Variants in RBMS1 observed in about 807,000 individuals in gnomAD.
RBMS1 encodes the protein RNA binding motif single stranded interacting protein 1, also known as RNA-binding motif, single-stranded-interacting protein 1.
RBMS1 carries 17 observed loss-of-function variants against 62.3 expected under a neutral mutation model. The observed-to-expected ratio is 0.27, with a 90% CI of 0.19 to 0.41. The LOEUF (loss-of-function observed/expected upper bound fraction) is 0.41. Among genes scored for constraint, RBMS1 ranks in the 10% least tolerant of loss-of-function variants. RBMS1 has a pLI of 1.00. For synonymous variants in RBMS1, 172 were observed against 170.0 expected (o/e 1.01, Z -0.09); for missense variants, 334 against 504.5 (o/e 0.66, Z 3.24).
intron 1 of RBMS1, among the ~76,000 whole-genome samples, chr2:160,370,453 T>A (rs1201946649): frequency 6.6e-6 from 1 of 152,122 alleles, no homozygotes; most frequent in Admixed American, 6.5e-5. Context: ...GCCACCATGG[T>A]GAAACCCCGT....
At position 160,285,898 on chromosome 2, in the gene RBMS1, C is replaced by T. The variant is rs566429742; in HGVS notation, c.757-854G>A. On this transcript the variant is annotated intron_variant, in intron 7 of 13. Coordinates refer to ENST00000348849, the MANE Select transcript of RBMS1 (RefSeq NM_016836.4). ...AGGCTGAGGTGGGTGGATCATGAGG[C>T]CAGGAGATTGAGACCATCCCGACTA... is the stretch of plus-strand genomic sequence containing the variant. Among the ~76,000 whole-genome samples, 1,138 of 151,360 alleles carry T rather than the reference C, an allele frequency of 7.5e-3. 6 individuals carry two copies. Among genetic ancestry groups the T allele is most frequent in the Non-Finnish European group, 0.013 (893 of 67,810 alleles).
At chr2:160,395,916 C>T (rs1695115044) in intron 1 of RBMS1, among the ~76,000 whole-genome samples, 1 of 152,180 alleles carries the variant, frequency 6.6e-6, no homozygotes, top group Non-Finnish European at 1.5e-5. Flanking sequence ...CCAAAATCCT[C>T]TTTTGTATAC....
chr2:160,288,637 C>T (rs146178755), intron 6 of RBMS1, among the ~76,000 whole-genome samples: 8 of 152,100 alleles, frequency 5.3e-5, no homozygotes, highest in Middle Eastern at 3.2e-3. Flanking sequence ...TATCAGCAAG[C>T]CTTGGCCCAG....
chr2:160,446,380 A>G (rs1683646950), intron 1 of RBMS1, among the ~76,000 whole-genome samples: 2 of 152,058 alleles, frequency 1.3e-5, no homozygotes, highest in Admixed American at 1.3e-4. Context: ...CCTTATGCTG[A>G]GCCCATATCT....
chr2:160,284,076 G>T (rs938195378), intron 9 of RBMS1: 6 of 152,176 alleles, frequency 3.9e-5, no homozygotes, highest in Admixed American at 2.0e-4. Context: ...TTCCTATCTG[G>T]GTCCAGGAAG....
At chr2:160,484,795 C>CGG (rs1378764722) in intron 1 of RBMS1, among the ~76,000 whole-genome samples, 1 of 150,290 alleles carries the variant, frequency 6.7e-6, no homozygotes, top group African/African-American at 2.5e-5. Flanking sequence ...GGCGTGAACC[C>CGG]GGGAGGCGGA....
chr2:160,334,249 C>T lies in RBMS1; in HGVS notation c.252-16022G>A, dbSNP rs150729623. 7.9e-3 allele frequency among the ~76,000 whole-genome samples: 1,195 copies of T among 152,144 alleles called. 11 individuals are homozygous for T. Among genetic ancestry groups the T allele is most frequent in the South Asian group, 0.011 (53 of 4,816 alleles). ...TGCTCAACAAAATATTTTTGAGTAACCATATGAGCTAACAGAAGGAGAATT... is the reference window on the plus strand; with the variant it reads ...TGCTCAACAAAATATTTTTGAGTAATCATATGAGCTAACAGAAGGAGAATT... On this transcript the variant is annotated intron_variant, in intron 2 of 13. Transcript: ENST00000348849.
chr2:160,336,974 G>C (rs1163733192), intron 2 of RBMS1, among the ~76,000 whole-genome samples: 2 of 152,070 alleles, frequency 1.3e-5, no homozygotes, highest in African/African-American at 2.4e-5. Context: ...GCTCACATTA[G>C]GGCAATAATC....
chr2:160,463,502 G>A (rs62179091), intron 1 of RBMS1, among the ~76,000 whole-genome samples: 4,020 of 152,286 alleles, frequency 0.026, 75 homozygotes, highest in Middle Eastern at 0.061. Context: ...GCAACTTTGC[G>A]GCCGGGCGCG....
At chr2:160,419,822 C>A (rs1202723870) in intron 1 of RBMS1, among the ~76,000 whole-genome samples, 2 of 152,234 alleles carry the variant, frequency 1.3e-5, no homozygotes, top group South Asian at 4.1e-4. Flanking sequence ...GGGAAAAAAA[C>A]CAAACATTTA....
intron 2 of RBMS1, among the ~76,000 whole-genome samples, chr2:160,349,567 G>GAGA (rs1692373929): frequency 6.6e-6 from 1 of 151,428 alleles, no homozygotes; most frequent in African/African-American, 2.4e-5. Flanking sequence ...GAGAGAGAGA[G>GAGA]AGAGAGAGAG....
At chr2:160,418,918 A>T (rs1011526426) in intron 1 of RBMS1, among the ~76,000 whole-genome samples, 8 of 152,236 alleles carry the variant, frequency 5.3e-5, no homozygotes, top group Non-Finnish European at 1.2e-4. Flanking sequence ...ATATTGGTTC[A>T]TGAATGTTGG....
At chr2:160,328,660 C>A (rs1236635116) in intron 2 of RBMS1, among the ~76,000 whole-genome samples, 1 of 152,050 alleles carries the variant, frequency 6.6e-6, no homozygotes, top group Non-Finnish European at 1.5e-5. Context: ...GCACCCTCCC[C>A]CCGCCCCCAA....
At chr2:160,484,685 C>A (rs1685519757) in intron 1 of RBMS1, among the ~76,000 whole-genome samples, 1 of 151,270 alleles carries the variant, frequency 6.6e-6, no homozygotes, top group Non-Finnish European at 1.5e-5. Flanking sequence ...TCCTGGCTAA[C>A]ATGGTGAAAC....
At chr2:160,450,414 C>A (rs917480834) in intron 1 of RBMS1, among the ~76,000 whole-genome samples, 2 of 151,940 alleles carry the variant, frequency 1.3e-5, no homozygotes, top group African/African-American at 4.8e-5. Flanking sequence ...ATGAAAGGTG[C>A]CTGTAATCCC....
At chr2:160,315,793 C>T (rs1041920536) in intron 3 of RBMS1, among the ~76,000 whole-genome samples, 4 of 152,140 alleles carry the variant, frequency 2.6e-5, no homozygotes, top group African/African-American at 9.7e-5. Flanking sequence ...TTATAAATGC[C>T]TTTTGTTGGC....
chr2:160,417,749 T>A (rs978204864), intron 1 of RBMS1, among the ~76,000 whole-genome samples: 3 of 152,236 alleles, frequency 2.0e-5, no homozygotes, highest in African/African-American at 7.2e-5. Context: ...ATACACAGCA[T>A]GCAAATGCAT....
At chr2:160,362,112 C>T (rs561730085) in intron 2 of RBMS1, among the ~76,000 whole-genome samples, 1 of 152,344 alleles carries the variant, frequency 6.6e-6, no homozygotes, top group African/African-American at 2.4e-5. Context: ...TCAGCCTTCA[C>T]AGAGTTAAAG....
chr2:160,477,134 C>T (rs554017913), intron 1 of RBMS1, among the ~76,000 whole-genome samples: 19 of 152,130 alleles, frequency 1.2e-4, no homozygotes, highest in African/African-American at 4.6e-4. Flanking sequence ...TTTTAAGCAA[C>T]GAAAGAATGA....
Sources: gnomAD v4.1 joint callset for allele counts (sites outside exome capture counted in the v4.1 genomes callset) on GRCh38, gnomAD v4.1.1 for gene constraint, MANE v1.5 for transcripts, NCBI Gene and HGNC (gene_info 2026-07-23, HGNC 2026-07-21) for gene names.